Variants in PDE11A observed in about 807,000 individuals in gnomAD.
PDE11A encodes phosphodiesterase 11A.
In PDE11A, 100 loss-of-function variants were observed where a neutral mutation model predicts 100.5. That is an observed-to-expected ratio of 1.00 (90% CI 0.85 to 1.18). The LOEUF is 1.18. Among genes scored for constraint, PDE11A ranks in the 50% most tolerant of loss-of-function variants. The pLI, the probability that PDE11A is intolerant of heterozygous loss-of-function variation, is 0.00. For synonymous variants in PDE11A, 381 were observed against 420.8 expected (o/e 0.91, Z 1.16); for missense variants, 1,141 against 1,152.6 (o/e 0.99, Z 0.15).
intron 10 of PDE11A, among the ~76,000 whole-genome samples, chr2:177,741,256 G>T (rs754178262): frequency 6.6e-6 from 1 of 152,098 alleles, no homozygotes; most frequent in Non-Finnish European, 1.5e-5. Context: ...CTGCCTTCTC[G>T]CTACGTGCTC....
At chr2:178,102,664 TCCTCCCACCTCAG>T (rs145876996) in intron 2 of PDE11A, among the ~76,000 whole-genome samples, 12,006 of 152,038 alleles carry the variant, frequency 0.079, 627 homozygotes, top group Middle Eastern at 0.12. Flanking sequence ...CCTCAAGTAA[TCCTCCCACCTCAG>T]CCTCCCAAAG....
At chr2:177,813,786 C>G (rs562125139) in intron 9 of PDE11A, among the ~76,000 whole-genome samples, 14 of 151,296 alleles carry the variant, frequency 9.3e-5, no homozygotes, top group Non-Finnish European at 1.6e-4. Flanking sequence ...GTTTTTGTCA[C>G]TGGGTGCTGT....
Position 178,071,665 on chromosome 2 carries a change from A to G in PDE11A, c.773T>C (p.Phe258Ser). The G allele has an allele frequency of 6.2e-7, 1 of 1,613,638 alleles. No homozygotes were observed. The highest frequency in any genetic ancestry group is 1.7e-4 in the Middle Eastern group (1 of 6,060). ...AGKKTLVSKF[F>S]DVHAGTPLLP... ...CAGAGGTGTTCCTGCATGCACATCA[A>G]AGAATTTGGAGACCAAGGTCTTCTT... The change falls in exon 1 of 20, where the codon TTT becomes TCT. Residue 258 changes from phenylalanine (F) to serine (S), a missense_variant. Transcript: ENST00000286063.
At chr2:178,090,957 G>A (rs2087415429) in intron 2 of PDE11A, among the ~76,000 whole-genome samples, 1 of 152,168 alleles carries the variant, frequency 6.6e-6, no homozygotes, top group Admixed American at 6.5e-5. Flanking sequence ...GAGTAAGCCT[G>A]GGCACTTAGC....
intron 10 of PDE11A, among the ~76,000 whole-genome samples, chr2:177,760,994 A>G (rs2082160397): frequency 6.6e-6 from 1 of 152,252 alleles, no homozygotes; most frequent in Non-Finnish European, 1.5e-5. Context: ...TACAAATACA[A>G]ATAACAAAGC....
At chr2:177,919,455 G>C (rs1229706983) in intron 2 of PDE11A, among the ~76,000 whole-genome samples, 1 of 151,930 alleles carries the variant, frequency 6.6e-6, no homozygotes, top group African/African-American at 2.4e-5. Context: ...GCCAAATATT[G>C]AAAAATGGAA....
intron 16 of PDE11A, 95 bp from the exon 17 acceptor site, chr2:177,675,613 G>A (rs1216914676): frequency 2.2e-6 from 2 of 914,558 alleles, no homozygotes; most frequent in Non-Finnish European, 3.5e-6. Flanking sequence ...AAATAAAATG[G>A]AAACGAGGCC....
At chr2:177,840,108 G>T in intron 6 of PDE11A, 143 bp downstream of exon 6, 1 of 812,656 alleles carries the variant, frequency 1.2e-6, no homozygotes, top group Non-Finnish European at 2.0e-6. Context: ...CTAACTTAGA[G>T]TCAACAGTAG....
At chr2:177,840,752 T>C (rs1006236247) in intron 5 of PDE11A, among the ~76,000 whole-genome samples, 2 of 152,164 alleles carry the variant, frequency 1.3e-5, no homozygotes, top group Non-Finnish European at 2.9e-5. Flanking sequence ...ACAGACTAGA[T>C]GTTTTGGCAC....
intron 9 of PDE11A, among the ~76,000 whole-genome samples, chr2:177,816,240 G>A (rs1237687703): frequency 6.6e-6 from 1 of 152,008 alleles, no homozygotes; most frequent in Non-Finnish European, 1.5e-5. Context: ...CAGAGCAGAA[G>A]CTAGAAAAAA....
intron 2 of PDE11A, among the ~76,000 whole-genome samples, chr2:177,936,990 G>A (rs925443022): frequency 1.5e-4 from 23 of 151,986 alleles, no homozygotes; most frequent in South Asian, 2.1e-4. Flanking sequence ...GATACTTCTC[G>A]GAGCTTCAAT....
intron 2 of PDE11A, among the ~76,000 whole-genome samples, chr2:178,010,434 G>A (rs2086262157): frequency 6.6e-6 from 1 of 152,180 alleles, no homozygotes; most frequent in South Asian, 2.1e-4. Flanking sequence ...GCAGAGCTCT[G>A]AGAAATTAGG....
At chr2:177,925,496 T>C (rs2085114112) in intron 2 of PDE11A, among the ~76,000 whole-genome samples, 1 of 152,210 alleles carries the variant, frequency 6.6e-6, no homozygotes, top group South Asian at 2.1e-4. Flanking sequence ...ATGAGCATTT[T>C]TTCATGTGTT....
intron 19 of PDE11A, among the ~76,000 whole-genome samples, chr2:177,663,612 T>C (rs1220650292): frequency 6.6e-6 from 1 of 152,152 alleles, no homozygotes; most frequent in African/African-American, 2.4e-5. Flanking sequence ...TTAGTATCCC[T>C]GGTTTACAGA....
At chr2:177,891,106 T>C (rs1221064916) in intron 4 of PDE11A, among the ~76,000 whole-genome samples, 1 of 152,190 alleles carries the variant, frequency 6.6e-6, no homozygotes, top group Non-Finnish European at 1.5e-5. Flanking sequence ...CATTTCCTTA[T>C]TCTAAATTTT....
rs3073403 is a variant in PDE11A at position 177,980,975 on chromosome 2, TACACACACACACACAC to T, written c.1071+33311_1071+33326del. ...CGACCTTAAACCAGTGAGAACTAGA[TACACACACACACACAC>T]ACACACACACACACACACACACACA... On this transcript the variant is annotated intron_variant, in intron 2 of 19. Coordinates refer to ENST00000286063, the MANE Select transcript of PDE11A (RefSeq NM_016953.4). 3.9e-4 allele frequency among the ~76,000 whole-genome samples: 50 copies of T among 129,786 alleles called. 1 individual carries two copies. The highest frequency in any genetic ancestry group is 2.0e-3 in the Admixed American group (26 of 12,878). The allele number at this position is 129,786 out of a possible 152,430, so 85.1% of individuals were successfully genotyped here.
intron 19 of PDE11A, among the ~76,000 whole-genome samples, chr2:177,640,017 A>T (rs998924160): frequency 5.3e-5 from 8 of 152,238 alleles, no homozygotes; most frequent in Non-Finnish European, 1.0e-4. Flanking sequence ...TATTAAGAAA[A>T]AAAAGGACAA....
chr2:177,840,272 C>T lies in PDE11A; in HGVS notation c.1479G>A (p.Gln493=). The T allele has an allele frequency of 6.2e-7, 1 of 1,614,124 alleles. No homozygotes were observed. The change falls in exon 6 of 20, where the codon CAG becomes CAA. Residue 493 remains glutamine, a synonymous_variant. Transcript: ENST00000286063. Reference sequence around the variant, plus strand: ...TTACCTCTGCATCAAAGCGCGGATCCTGGTAGGCATCACTGATGTTCACTG... The same window carrying T: ...TTACCTCTGCATCAAAGCGCGGATCTTGGTAGGCATCACTGATGTTCACTG... ...GLPVNISDAY[Q]DPRFDAEADQ... is the part of the protein sequence containing the mutation.
chr2:177,677,783 A>T (rs577658622), intron 16 of PDE11A: 1 of 152,322 alleles, frequency 6.6e-6, no homozygotes, highest in Non-Finnish European at 1.5e-5. Flanking sequence ...GAAGTGAAAG[A>T]TCTTTTTGAG....
Sources: gnomAD v4.1 joint callset for allele counts (sites outside exome capture counted in the v4.1 genomes callset) on GRCh38, gnomAD v4.1.1 for gene constraint, MANE v1.5 for transcripts, NCBI Gene and HGNC (gene_info 2026-07-23, HGNC 2026-07-21) for gene names.